The following DLGAP2 variants were observed in gnomAD, a reference collection of about 807,000 sequenced individuals.
DLGAP2 encodes the protein DLG associated protein 2, also known as disks large-associated protein 2.
Under a neutral mutation model 100.3 loss-of-function variants are expected in DLGAP2, and 26 were observed. That is an observed-to-expected ratio of 0.26 (90% confidence interval 0.19 to 0.36). The LOEUF is 0.36. Among genes scored for constraint, DLGAP2 ranks in the 10% least tolerant of loss-of-function variants. The pLI, the probability that DLGAP2 is intolerant of heterozygous loss-of-function variation, is 1.00. For missense variants in DLGAP2, 1,858 were observed against 1,453.2 expected (o/e 1.28, Z -4.53); for synonymous variants, 886 against 630.1 (o/e 1.41, Z -6.08).
At chr8:1,367,928 G>A (rs750415702) in intron 3 of DLGAP2, among the ~76,000 whole-genome samples, 4 of 152,216 alleles carry the variant, frequency 2.6e-5, no homozygotes, top group South Asian at 2.1e-4. Context: ...CAGTTGTTCC[G>A]GATGATCTTT....
At chr8:948,296 C>G (rs1029475444) in intron 2 of DLGAP2, among the ~76,000 whole-genome samples, 1 of 152,218 alleles carries the variant, frequency 6.6e-6, no homozygotes, top group Admixed American at 6.5e-5. Context: ...CCACTGGCCT[C>G]GACCCTGGCT....
chr8:1,198,337 C>G (rs1797798736), intron 2 of DLGAP2, among the ~76,000 whole-genome samples: 1 of 152,190 alleles, frequency 6.6e-6, no homozygotes, highest in Non-Finnish European at 1.5e-5. Flanking sequence ...TTTGAAATGA[C>G]AACAACAGCT....
intron 1 of DLGAP2, among the ~76,000 whole-genome samples, chr8:860,891 C>G (rs1294971192): frequency 6.6e-6 from 1 of 152,044 alleles, no homozygotes; most frequent in Non-Finnish European, 1.5e-5. Context: ...TAAAGTAGGA[C>G]TAGGGTGGAG....
chr8:1,646,968 G>A (rs1335056760), intron 8 of DLGAP2, among the ~76,000 whole-genome samples: 1 of 152,226 alleles, frequency 6.6e-6, no homozygotes, highest in African/African-American at 2.4e-5. Context: ...ACAGGGCAGA[G>A]GCAGAGGTGA....
chr8:1,662,885 G>C (rs1215429035), intron 8 of DLGAP2, among the ~76,000 whole-genome samples: 1 of 148,776 alleles, frequency 6.7e-6, no homozygotes, highest in Non-Finnish European at 1.5e-5. Context: ...GTGTGCGCGT[G>C]TGTACATGTG....
At chr8:826,949 G>A (rs1796695106) in intron 1 of DLGAP2, among the ~76,000 whole-genome samples, 1 of 152,194 alleles carries the variant, frequency 6.6e-6, no homozygotes, top group Admixed American at 6.5e-5. Context: ...ACTAGAGGAG[G>A]TGTTTCAGAA....
intron 1 of DLGAP2, chr8:738,664 G>C (rs1176690359): frequency 1.4e-5 from 2 of 145,434 alleles, no homozygotes; most frequent in Admixed American, 1.4e-4. Context: ...CTCTGCCTGC[G>C]CGCCCAGGTG....
chr8:1,215,784 C>T (rs187719874), intron 2 of DLGAP2, among the ~76,000 whole-genome samples: 4 of 125,074 alleles, frequency 3.2e-5, no homozygotes, highest in Admixed American at 7.6e-5. Flanking sequence ...CACCTGGAGA[C>T]GTCCAGGTAC....
At chr8:1,565,426 C>A (rs1802357532) in intron 5 of DLGAP2, 2 of 389,156 alleles carry the variant, frequency 5.1e-6, no homozygotes, top group Non-Finnish European at 9.0e-6. Flanking sequence ...TTGCAAGTGT[C>A]CCTTCTTCTC....
intron 1 of DLGAP2, among the ~76,000 whole-genome samples, chr8:835,030 CAGG>C (rs1157131084): frequency 6.6e-6 from 1 of 152,116 alleles, no homozygotes; most frequent in Non-Finnish European, 1.5e-5. Flanking sequence ...CAGGTGCATG[CAGG>C]TTACTGCTCA....
intron 3 of DLGAP2, among the ~76,000 whole-genome samples, chr8:1,489,534 A>G (rs1329576320): frequency 6.6e-6 from 1 of 152,230 alleles, no homozygotes; most frequent in African/African-American, 2.4e-5. Context: ...GACAATTCAG[A>G]TACTGTCTTT....
At chr8:1,677,334 G>A (rs897973677) in intron 11 of DLGAP2, among the ~76,000 whole-genome samples, 1 of 152,080 alleles carries the variant, frequency 6.6e-6, no homozygotes, top group Non-Finnish European at 1.5e-5. Flanking sequence ...GCCATCTTCT[G>A]CACCTGGGAG....
chr8:1,126,002 C>T (rs1796154863), intron 2 of DLGAP2, among the ~76,000 whole-genome samples: 1 of 152,236 alleles, frequency 6.6e-6, no homozygotes. Context: ...ACACTTCCGG[C>T]TCTGGAAGTT....
intron 2 of DLGAP2, among the ~76,000 whole-genome samples, chr8:1,245,931 C>T (rs56300426): frequency 0.011 from 1,652 of 152,206 alleles, 32 homozygotes; most frequent in African/African-American, 0.037. Context: ...AGGACAGAGG[C>T]GCCTCCTGTG....
intron 6 of DLGAP2, among the ~76,000 whole-genome samples, chr8:1,606,831 A>T (rs962664963): frequency 1.3e-5 from 2 of 152,078 alleles, no homozygotes; most frequent in African/African-American, 4.8e-5. Flanking sequence ...CCACAGATGT[A>T]CACCACCACA....
intron 2 of DLGAP2, among the ~76,000 whole-genome samples, chr8:1,045,179 T>A (rs1346857688): frequency 6.6e-6 from 1 of 152,222 alleles, no homozygotes; most frequent in Non-Finnish European, 1.5e-5. Context: ...GCCTAAGGGC[T>A]GTTTGGCTTT....
chr8:1,479,690 G>A (rs1439561117), intron 3 of DLGAP2, among the ~76,000 whole-genome samples: 5 of 152,076 alleles, frequency 3.3e-5, no homozygotes, highest in African/African-American at 1.2e-4. Context: ...AAAGGGGTTG[G>A]CCAACCGTAA....
intron 3 of DLGAP2, among the ~76,000 whole-genome samples, chr8:1,331,227 A>C (rs1328394987): frequency 6.6e-6 from 1 of 152,172 alleles, no homozygotes; most frequent in Non-Finnish European, 1.5e-5. Flanking sequence ...GTGCTAGTTG[A>C]AGCCATACTG....
intron 8 of DLGAP2, among the ~76,000 whole-genome samples, chr8:1,637,354 G>C (rs920864631): frequency 6.6e-6 from 1 of 151,996 alleles, no homozygotes; most frequent in African/African-American, 2.4e-5. Context: ...CTCCAAACAC[G>C]TCTTCTCCTT....
Sources: gnomAD v4.1 joint callset for allele counts (sites outside exome capture counted in the v4.1 genomes callset) on GRCh38, gnomAD v4.1.1 for gene constraint, MANE v1.5 for transcripts, NCBI Gene and HGNC (gene_info 2026-07-23, HGNC 2026-07-21) for gene names.